Variants in POFUT2 observed in about 807,000 individuals in gnomAD.
POFUT2 encodes GDP-fucose protein O-fucosyltransferase 2.
A neutral mutation model predicts 55.0 loss-of-function variants in POFUT2; 30 were observed. The ratio of observed to expected loss-of-function variants is 0.55; its 90% confidence interval spans 0.41 to 0.74. The LOEUF is 0.74. Among genes scored for constraint, POFUT2 ranks in the 30% least tolerant of loss-of-function variants. The pLI is 0.00. For synonymous variants in POFUT2, 267 were observed against 231.1 expected (o/e 1.16, Z -1.41); for missense variants, 524 against 562.6 (o/e 0.93, Z 0.69).
chr21:45,274,116 G>C (rs1029557558), intron 6 of POFUT2, among the ~76,000 whole-genome samples: 52 of 152,136 alleles, frequency 3.4e-4, no homozygotes, highest in African/African-American at 1.3e-3. Context: ...ATTCAGTAAA[G>C]TTTCAGGACA....
In POFUT2 at chr21:45,277,282, G is replaced by GAAGC; in HGVS notation, c.706-144_706-141dup. 8.7e-7 allele frequency: 1 copy of GAAGC among 1,155,466 alleles called. No individual in the cohort carries two copies. 71.6% of individuals were successfully genotyped at this position (1,155,466 alleles called of 1,614,324 possible). A position where few individuals can be genotyped will look rare whatever the true frequency, so the allele number is the denominator to read the frequency against. On this transcript the variant is annotated intron_variant, in intron 5 of 8. Transcript: ENST00000349485. This position sits in a 1 kb window ranked among gnomAD's most constrained non-coding sequence, Gnocchi z 6.9. ...AGACACGTCATCCACGGTCGCCTGA[G>GAAGC]AAGCAGCGCCATCCACGGTGGAGGC...
Position 45,270,796 on chromosome 21 carries a change from C to T in POFUT2, c.832-777G>A, listed in dbSNP as rs996021660. On this transcript the variant is annotated intron_variant, in intron 6 of 8. Transcript: ENST00000349485. This position sits in a 1 kb window ranked among gnomAD's most constrained non-coding sequence, Gnocchi z 4.6. ...CACTGGGTGGCTAGACCCAGAAGAG[C>T]AATAACAATCACTGCAGCCCAGCTC... 1.3e-5 allele frequency among the ~76,000 whole-genome samples: 2 copies of T among 152,218 alleles called. No individual in the cohort carries two copies. The highest frequency in any genetic ancestry group is 6.5e-5 in the Admixed American group (1 of 15,286).
chr21:45,265,393 C>T lies in POFUT2; in HGVS notation c.*89G>A, dbSNP rs2093144017. ...GGGACGGTCCTGTCCGCCCAGCTCC[C>T]GGCTGGCAGTAGACGGTGACTCCAC... On this transcript the variant is annotated 3_prime_UTR_variant, in exon 9 of 9. Transcript: ENST00000349485. This position sits in a 1 kb window ranked among gnomAD's most constrained non-coding sequence, Gnocchi z 4.6. The T allele has an allele frequency of 1.8e-5, 22 of 1,251,350 alleles. No individual in the cohort carries two copies. In the East Asian group the frequency reaches 1.9e-4, roughly 11 times the overall value. The allele number at this position is 1,251,350 out of a possible 1,614,324, so 77.5% of individuals were successfully genotyped here. A position where few individuals can be genotyped will look rare whatever the true frequency, so the allele number is the denominator to read the frequency against.
Position 45,265,336 on chromosome 21 carries a change from G to T in POFUT2, c.*146C>A. On this transcript the variant is annotated 3_prime_UTR_variant, in exon 9 of 9. Coordinates refer to ENST00000349485, the MANE Select transcript of POFUT2 (RefSeq NM_133635.6). This position sits in a 1 kb window ranked among gnomAD's most constrained non-coding sequence, Gnocchi z 4.6. ...GAGGACGGAGCCCAGCTCTAGAGGCGTGGGGCCTCTTCTGGGCCTGGGACC... is the reference window on the plus strand; with the variant it reads ...GAGGACGGAGCCCAGCTCTAGAGGCTTGGGGCCTCTTCTGGGCCTGGGACC... The T allele has an allele frequency of 1.6e-6, 1 of 643,406 alleles. No homozygotes were observed. The highest frequency in any genetic ancestry group is 2.6e-6 in the Non-Finnish European group (1 of 388,900). 39.9% of individuals were successfully genotyped at this position (643,406 alleles called of 1,614,324 possible). A position where few individuals can be genotyped will look rare whatever the true frequency, so the allele number is the denominator to read the frequency against.
At chr21:45,268,635 G>A (rs1227136662) in intron 7 of POFUT2, among the ~76,000 whole-genome samples, 32 of 146,556 alleles carry the variant, frequency 2.2e-4, no homozygotes, top group East Asian at 6.2e-4. Flanking sequence ...CTGCCCCGCC[G>A]CCCCATCTGG....
Position 45,277,244 on chromosome 21 carries a change from G to T in POFUT2, c.706-102C>A. On this transcript the variant is annotated intron_variant, in intron 5 of 8. Coordinates refer to ENST00000349485, the MANE Select transcript of POFUT2 (RefSeq NM_133635.6). The surrounding 1 kb of genome is among the most constrained non-coding windows in gnomAD (Gnocchi z 6.9). ...CTGCCACCACCCACCCCCGCAGCTG[G>T]AACAAGCCCCTCAGACACGTCATCC... is the stretch of plus-strand genomic sequence containing the variant. 1 of 1,464,568 alleles carries T rather than the reference G, an allele frequency of 6.8e-7. No individual in the cohort carries two copies. Among genetic ancestry groups the T allele is most frequent in the Non-Finnish European group, 9.2e-7 (1 of 1,084,754 alleles). 90.7% of individuals were successfully genotyped at this position (1,464,568 alleles called of 1,614,324 possible).
Position 45,269,881 on chromosome 21 carries a change from G to T in POFUT2, c.970C>A (p.Arg324=). Residue 324 remains arginine (R), a synonymous_variant, in exon 7 of 9, where the codon CGG becomes AGG. Transcript: ENST00000349485. ...GTGGCCACAAACACCTTGTCCAGCC[G>T]GTGGGTCTTCATGAGGCTGCGGATC... ...RKIRSLMKTH[R]LDKVFVATDA... 3 of 1,610,738 alleles carry T rather than the reference G, an allele frequency of 1.9e-6. No homozygotes were observed. Among genetic ancestry groups the T allele is most frequent in the Non-Finnish European group, 2.5e-6 (3 of 1,179,056 alleles).
intron 6 of POFUT2, among the ~76,000 whole-genome samples, chr21:45,272,244 C>T (rs1030435368): frequency 2.0e-5 from 3 of 152,160 alleles, no homozygotes; most frequent in African/African-American, 2.4e-5. Context: ...ACACCAAAAG[C>T]GAGTACAGTA....
chr21:45,283,197 G>A lies in POFUT2; in HGVS notation c.527+186C>T, dbSNP rs35769348. Among the ~76,000 whole-genome samples the A allele has an allele frequency of 7.9e-4, 115 of 145,146 alleles. No individual in the cohort carries two copies. The Middle Eastern group carries it at 0.014, about 18-fold the overall frequency. On this transcript the variant is annotated intron_variant, in intron 3 of 8. Coordinates refer to ENST00000349485, the MANE Select transcript of POFUT2 (RefSeq NM_133635.6). ...AGGGCACTGCGGGGGAGGCGGTTGCGGCCGGGGGGAGTGGGGGGTGAAGAC... is the reference window on the plus strand; with the variant it reads ...AGGGCACTGCGGGGGAGGCGGTTGCAGCCGGGGGGAGTGGGGGGTGAAGAC...
At chr21:45,269,214 G>GT (rs2093194239) in intron 7 of POFUT2, among the ~76,000 whole-genome samples, 1 of 151,790 alleles carries the variant, frequency 6.6e-6, no homozygotes, top group Non-Finnish European at 1.5e-5. Context: ...GAGGTGAGGG[G>GT]CGCCTCTGCC....
rs764292198 is a variant in POFUT2, at chr21:45,285,669, C to T, written c.382+9G>A. ...AACCACGGCCTCCCAGCGTGCCGCT[C>T]GGCCTCACCTGCGATGAACTGCTCA... On this transcript the variant is annotated intron_variant, in intron 2 of 8. Transcript: ENST00000349485. The surrounding 1 kb of genome is among the most constrained non-coding windows in gnomAD (Gnocchi z 4.9). 25 of 1,613,502 alleles carry T rather than the reference C, an allele frequency of 1.5e-5. No homozygotes were observed. Among genetic ancestry groups the T allele is most frequent in the Middle Eastern group, 1.6e-4 (1 of 6,062 alleles).
At chr21:45,279,629 C>T (rs564996900) in intron 4 of POFUT2, among the ~76,000 whole-genome samples, 1 of 152,172 alleles carries the variant, frequency 6.6e-6, no homozygotes, top group African/African-American at 2.4e-5. Flanking sequence ...CAGCCGTGCA[C>T]GGCCACTGCG....
rs1414374722 is a variant in POFUT2, at chr21:45,281,560, G to A, written c.638+789C>T. ...CCAGCGGCAGCTGTTACTGACCAGGGTGATACCGAGCCAGCTGTGATGTGC... is the reference window on the plus strand; with the variant it reads ...CCAGCGGCAGCTGTTACTGACCAGGATGATACCGAGCCAGCTGTGATGTGC... On this transcript the variant is annotated intron_variant, in intron 4 of 8. Coordinates refer to ENST00000349485, the MANE Select transcript of POFUT2 (RefSeq NM_133635.6). This position sits in a 1 kb window ranked among gnomAD's most constrained non-coding sequence, Gnocchi z 5.0. Among the ~76,000 whole-genome samples the A allele has an allele frequency of 2.0e-5, 3 of 152,140 alleles. No individual in the cohort carries two copies. In the East Asian group the frequency reaches 5.8e-4, roughly 29 times the overall value.
Position 45,282,425 on chromosome 21 carries a change from G to C in POFUT2, c.562C>G (p.Leu188Val). The C allele has an allele frequency of 6.2e-7, 1 of 1,613,088 alleles. No individual in the cohort carries two copies. Among genetic ancestry groups the C allele is most frequent in the Non-Finnish European group, 8.5e-7 (1 of 1,179,360 alleles). ...WFWGYEETRGLNVSCLSVQGS... is the reference protein window; with the variant it reads ...WFWGYEETRGVNVSCLSVQGS... ...TGGACGGACAGACAGGAGACGTTTA[G>C]ACCCCTGGTCTCCTCATAACCCCAA... Residue 188 changes from leucine (L) to valine (V), a missense_variant, in exon 4 of 9, where the codon CTA becomes GTA. Leu to Val is a conservative substitution (Grantham distance 32). Around this residue, in one of 2 missense-constraint regions of POFUT2, gnomAD observed 274 missense variants for 244.4 expected, o/e 1.12. Transcript: ENST00000349485. The surrounding 1 kb of genome is among the most constrained non-coding windows in gnomAD (Gnocchi z 4.6).
At chr21:45,276,608 G>A (rs1229887995) in intron 6 of POFUT2, among the ~76,000 whole-genome samples, 1 of 152,350 alleles carries the variant, frequency 6.6e-6, no homozygotes, top group Non-Finnish European at 1.5e-5. Context: ...CACTGATGGT[G>A]CTTTTGGGTG....
intron 7 of POFUT2, among the ~76,000 whole-genome samples, chr21:45,268,749 G>A (rs2093183757): frequency 6.7e-6 from 1 of 149,976 alleles, no homozygotes; most frequent in Non-Finnish European, 1.5e-5. Context: ...CCGCCCGGCA[G>A]CCACCCCATC....
At chr21:45,266,854 TCTA>T in intron 8 of POFUT2, 1 of 1,005,458 alleles carries the variant, frequency 9.9e-7, no homozygotes, top group Non-Finnish European at 1.2e-6. Context: ...GATCATTCCC[TCTA>T]CTTTCATTTT....
Position 45,270,539 on chromosome 21 carries a change from C to T in POFUT2, c.832-520G>A, listed in dbSNP as rs2093209759. 6.6e-6 allele frequency among the ~76,000 whole-genome samples: 1 copy of T among 152,230 alleles called. No individual in the cohort carries two copies. Among genetic ancestry groups the T allele is most frequent in the African/African-American group, 2.4e-5 (1 of 41,460 alleles). ...CACCACCTGCAACCTCCTGGCTGTC[C>T]ACAGGTCCCGAGTCTGTCCACGTGA... On this transcript the variant is annotated intron_variant, in intron 6 of 8. Coordinates refer to ENST00000349485, the MANE Select transcript of POFUT2 (RefSeq NM_133635.6). This position sits in a 1 kb window ranked among gnomAD's most constrained non-coding sequence, Gnocchi z 4.6.
Position 45,270,097 on chromosome 21 carries a change from G to A in POFUT2, c.832-78C>T. The A allele has an allele frequency of 8.4e-7, 1 of 1,188,646 alleles. No homozygotes were observed. The highest frequency in any genetic ancestry group is 1.1e-6 in the Non-Finnish European group (1 of 879,612). 73.6% of individuals were successfully genotyped at this position (1,188,646 alleles called of 1,614,324 possible). Reference sequence around the variant, plus strand: ...ATCCTGGGCACCGGGTGGGACTCGAGACGCAGAGGGATGACCCTTTCCATG... The same window carrying A: ...ATCCTGGGCACCGGGTGGGACTCGAAACGCAGAGGGATGACCCTTTCCATG... On this transcript the variant is annotated intron_variant, in intron 6 of 8. Transcript: ENST00000349485. This position sits in a 1 kb window ranked among gnomAD's most constrained non-coding sequence, Gnocchi z 4.6.
Sources: allele counts gnomAD v4.1 joint callset (sites outside exome capture counted in the v4.1 genomes callset), GRCh38; gene constraint gnomAD v4.1.1; regional missense constraint gnomAD v4.1.1; non-coding constraint Gnocchi (gnomAD v3.1); transcripts MANE v1.5; gene names NCBI Gene and HGNC (gene_info 2026-07-23, HGNC 2026-07-21).